Variants in RTRAF observed in about 807,000 individuals in gnomAD.
The protein encoded by RTRAF is RNA transcription, translation and transport factor.
Under a neutral mutation model 34.4 loss-of-function variants are expected in RTRAF, and 14 were observed. The observed-to-expected ratio is 0.41, with a 90% CI of 0.27 to 0.64. RTRAF has a LOEUF of 0.64. Ranked by LOEUF, RTRAF falls within the 30% of genes least tolerant of loss-of-function variation. The pLI is 0.34. For missense variants in RTRAF, 291 were observed against 288.4 expected (o/e 1.01, Z -0.06); for synonymous variants, 96 against 95.3 (o/e 1.01, Z -0.04).
chr14:52,007,669 T>C lies in RTRAF; in HGVS notation c.*3153T>C. 2 of 780,740 alleles carry C rather than the reference T, an allele frequency of 2.6e-6. No individual in the cohort carries two copies. The highest frequency in any genetic ancestry group is 4.2e-6 in the Non-Finnish European group (2 of 471,532). The allele number at this position is 780,740 out of a possible 1,614,324, so 48.4% of individuals were successfully genotyped here. On this transcript the variant is annotated 3_prime_UTR_variant, in exon 8 of 8. Coordinates refer to ENST00000261700, the MANE Select transcript of RTRAF (RefSeq NM_016039.3). ...CATTTTAAGACTCATTTACTAGTACTTAAATTTACTAGTACTTAAAAGTTT... is the reference window on the plus strand; with the variant it reads ...CATTTTAAGACTCATTTACTAGTACCTAAATTTACTAGTACTTAAAAGTTT...
At chr14:51,993,532 A>AT (rs969396694) in intron 2 of RTRAF, among the ~76,000 whole-genome samples, 191 bp from the exon 3 acceptor site, 8 of 151,874 alleles carry the variant, frequency 5.3e-5, no homozygotes, top group Admixed American at 5.3e-4. Flanking sequence ...GTCGTATTCT[A>AT]TTTTTTTTCT....
In RTRAF at chr14:52,010,519, A is replaced by C. The variant is rs1890972208; in HGVS notation, c.*6003A>C. ...CCCTGGTTTCTAAATGTGCTGCTGG[A>C]GGAATCCCACTTCACTTCCAGTTTA... On this transcript the variant is annotated 3_prime_UTR_variant, in exon 8 of 8. Transcript: ENST00000261700. The C allele has an allele frequency of 5.6e-6, 1 of 178,564 alleles. No homozygotes were observed. The highest frequency in any genetic ancestry group is 2.3e-5 in the African/African-American group (1 of 42,568). 11.1% of individuals were successfully genotyped at this position (178,564 alleles called of 1,614,324 possible).
At position 52,007,625 on chromosome 14, in the gene RTRAF, AC is replaced by A; in HGVS notation, c.*3112del. The A allele has an allele frequency of 1.6e-6, 1 of 616,606 alleles. No individual in the cohort carries two copies. Among genetic ancestry groups the A allele is most frequent in the Non-Finnish European group, 2.8e-6 (1 of 351,968 alleles). 38.2% of individuals were successfully genotyped at this position (616,606 alleles called of 1,614,324 possible). ...TACTGCTTGATATATCCTTCCCTCCACCCAAACCCCAGAAAGTTCATTTTAA... is the reference window on the plus strand; with the variant it reads ...TACTGCTTGATATATCCTTCCCTCCACCAAACCCCAGAAAGTTCATTTTAA... On this transcript the variant is annotated 3_prime_UTR_variant, in exon 8 of 8. Coordinates refer to ENST00000261700, the MANE Select transcript of RTRAF (RefSeq NM_016039.3).
Position 52,008,083 on chromosome 14 carries a change from C to G in RTRAF, c.*3567C>G. The G allele has an allele frequency of 1.2e-6, 1 of 805,364 alleles. No individual in the cohort carries two copies. The highest frequency in any genetic ancestry group is 1.9e-6 in the Non-Finnish European group (1 of 518,148). The allele number at this position is 805,364 out of a possible 1,614,324, so 49.9% of individuals were successfully genotyped here. On this transcript the variant is annotated 3_prime_UTR_variant, in exon 8 of 8. Coordinates refer to ENST00000261700, the MANE Select transcript of RTRAF (RefSeq NM_016039.3). ...ATGTATTATAGCCTTAAGCAATCCC[C>G]TTGAGTTTGGGCTGCATTAGTAGTG...
intron 5 of RTRAF, among the ~76,000 whole-genome samples, chr14:52,000,123 A>G (rs1212193493): frequency 6.6e-6 from 1 of 152,116 alleles, no homozygotes; most frequent in Non-Finnish European, 1.5e-5. Flanking sequence ...AAAATGACAG[A>G]GCCAGGATTT....
chr14:51,990,711 T>A (rs1275724952), intron 1 of RTRAF, among the ~76,000 whole-genome samples: 3 of 152,132 alleles, frequency 2.0e-5, no homozygotes, highest in African/African-American at 7.2e-5. Context: ...TCAAAAGAGG[T>A]ATGGGGAGGA....
intron 2 of RTRAF, among the ~76,000 whole-genome samples, chr14:51,991,653 T>C (rs192922427): frequency 6.6e-6 from 1 of 152,358 alleles, no homozygotes; most frequent in Admixed American, 6.5e-5. Flanking sequence ...CAGTATTAGG[T>C]AGAAATAGTT....
rs1372112862 is a variant in RTRAF, at chr14:52,001,884, C to T, written c.531+18C>T. ...CAAAAGAGGTACGTTTCTATAAATC[C>T]TAAATAAGTTGTTAATGAACATTTC... is the stretch of plus-strand genomic sequence containing the variant. On this transcript the variant is annotated intron_variant, in intron 6 of 7. Coordinates refer to ENST00000261700, the MANE Select transcript of RTRAF (RefSeq NM_016039.3). 1.3e-6 allele frequency: 2 copies of T among 1,594,064 alleles called. No homozygotes were observed. The highest frequency in any genetic ancestry group is 1.4e-5 in the African/African-American group (1 of 73,846).
At chr14:51,994,988 T>G (rs970670475) in intron 3 of RTRAF, among the ~76,000 whole-genome samples, 3 of 151,962 alleles carry the variant, frequency 2.0e-5, no homozygotes, top group Admixed American at 6.6e-5. Flanking sequence ...TGCTGTCTTA[T>G]GTCTTAGCAG....
At position 52,009,180 on chromosome 14, in the gene RTRAF, G is replaced by A. The variant is rs1890912826; in HGVS notation, c.*4664G>A. 6.6e-6 allele frequency: 1 copy of A among 152,200 alleles called. No homozygotes were observed. The allele number at this position is 152,200 out of a possible 1,614,324, so 9.4% of individuals were successfully genotyped here. On this transcript the variant is annotated 3_prime_UTR_variant, in exon 8 of 8. Coordinates refer to ENST00000261700, the MANE Select transcript of RTRAF (RefSeq NM_016039.3). ...AACAGATGAAGCAGAGAGAAGCTGA[G>A]AGCAAAAGCTAGAAAGCAGTTTCCA...
chr14:51,992,768 T>C (rs1412967005), intron 2 of RTRAF, among the ~76,000 whole-genome samples: 4 of 152,180 alleles, frequency 2.6e-5, no homozygotes, highest in Admixed American at 2.6e-4. Flanking sequence ...CGGTGGCTCA[T>C]GCCTATAATC....
rs1329203784 is a variant in RTRAF at position 52,008,803 on chromosome 14, T to C, written c.*4287T>C. ...TGGACCAGGGATTTGAGAAGGAAAC[T>C]GTTCTTTCTTCTGCCAAAAATACAA... is the stretch of plus-strand genomic sequence containing the variant. On this transcript the variant is annotated 3_prime_UTR_variant, in exon 8 of 8. Coordinates refer to ENST00000261700, the MANE Select transcript of RTRAF (RefSeq NM_016039.3). The C allele has an allele frequency of 2.0e-5, 3 of 152,350 alleles. No individual in the cohort carries two copies. The highest frequency in any genetic ancestry group is 4.4e-5 in the Non-Finnish European group (3 of 68,040). 9.4% of individuals were successfully genotyped at this position (152,350 alleles called of 1,614,324 possible).
At chr14:51,999,171 A>C (rs892914838) in intron 4 of RTRAF, among the ~76,000 whole-genome samples, 1 of 152,010 alleles carries the variant, frequency 6.6e-6, no homozygotes, top group Non-Finnish European at 1.5e-5. Context: ...ATGTTAATTA[A>C]AAGTGCTGTA....
Position 52,008,021 on chromosome 14 carries a change from C to A in RTRAF, c.*3505C>A. ...GAATAGCCATGTAGCCTGTGGTAGG[C>A]AGCATCTAAGCAGCCCCCAGTGATC... On this transcript the variant is annotated 3_prime_UTR_variant, in exon 8 of 8. Coordinates refer to ENST00000261700, the MANE Select transcript of RTRAF (RefSeq NM_016039.3). The A allele has an allele frequency of 2.0e-6, 3 of 1,483,192 alleles. No individual in the cohort carries two copies. Among genetic ancestry groups the A allele is most frequent in the Non-Finnish European group, 1.8e-6 (2 of 1,089,686 alleles). The allele number at this position is 1,483,192 out of a possible 1,614,324, so 91.9% of individuals were successfully genotyped here.
chr14:51,996,249 A>G (rs538382236), intron 3 of RTRAF, among the ~76,000 whole-genome samples: 1 of 152,294 alleles, frequency 6.6e-6, no homozygotes, highest in African/African-American at 2.4e-5. Context: ...TAAGCTAGAA[A>G]ACAAGTTTTG....
rs1890696431 is a variant in RTRAF, at chr14:52,004,905, TCTATAGAGGCA to T, written c.*393_*403del. 1 of 162,800 alleles carries T rather than the reference TCTATAGAGGCA, an allele frequency of 6.1e-6. No individual in the cohort carries two copies. The highest frequency in any genetic ancestry group is 2.0e-4 in the South Asian group (1 of 5,062). The allele number at this position is 162,800 out of a possible 1,614,324, so 10.1% of individuals were successfully genotyped here. A position where few individuals can be genotyped will look rare whatever the true frequency, so the allele number is the denominator to read the frequency against. The stretch of plus-strand genomic sequence containing the variant: ...TGATACTTTACTTTCTGTGGGTACT[TCTATAGAGGCA>T]CTACAGGATCAGAAAATGCAAATTG... On this transcript the variant is annotated 3_prime_UTR_variant, in exon 8 of 8. Transcript: ENST00000261700.
At chr14:51,997,256 A>G (rs1044789470) in intron 3 of RTRAF, among the ~76,000 whole-genome samples, 10 of 151,916 alleles carry the variant, frequency 6.6e-5, no homozygotes, top group Admixed American at 6.6e-4. Flanking sequence ...TGCCTCAGTC[A>G]TTTATTATGT....
rs1310657732 is a variant in RTRAF, at chr14:52,007,894, TTC to T, written c.*3380_*3381del. The T allele has an allele frequency of 6.2e-7, 1 of 1,613,932 alleles. No homozygotes were observed. Among genetic ancestry groups the T allele is most frequent in the South Asian group, 1.1e-5 (1 of 91,076 alleles). On this transcript the variant is annotated 3_prime_UTR_variant, in exon 8 of 8. Coordinates refer to ENST00000261700, the MANE Select transcript of RTRAF (RefSeq NM_016039.3). ...CCAATGTCTGTATTGATCAGAATTC[TTC>T]TGTTTTCTCCATCTAAAGATGACGT...
In RTRAF at chr14:52,005,992, G is replaced by A. The variant is rs1890764162; in HGVS notation, c.*1476G>A. On this transcript the variant is annotated 3_prime_UTR_variant, in exon 8 of 8. Coordinates refer to ENST00000261700, the MANE Select transcript of RTRAF (RefSeq NM_016039.3). Reference sequence around the variant, plus strand: ...GGGCTGGTGCTAAAGCCATACTGAAGTTTGAAGACCATTGCTCTAAATCCA... The same window carrying A: ...GGGCTGGTGCTAAAGCCATACTGAAATTTGAAGACCATTGCTCTAAATCCA... 1.6e-6 allele frequency: 1 copy of A among 638,684 alleles called. No homozygotes were observed. The highest frequency in any genetic ancestry group is 1.8e-5 in the South Asian group (1 of 56,712). The allele number at this position is 638,684 out of a possible 1,614,324, so 39.6% of individuals were successfully genotyped here. A position where few individuals can be genotyped will look rare whatever the true frequency, so the allele number is the denominator to read the frequency against.
Sources: gnomAD v4.1 joint callset for allele counts (sites outside exome capture counted in the v4.1 genomes callset) on GRCh38, gnomAD v4.1.1 for gene constraint, MANE v1.5 for transcripts, NCBI Gene and HGNC (gene_info 2026-07-23, HGNC 2026-07-21) for gene names.